Variants in EPB41L5 observed in about 807,000 individuals in gnomAD.
The protein encoded by EPB41L5 is erythrocyte membrane protein band 4.1 like 5, also known as band 4.1-like protein 5.
In EPB41L5, 55 loss-of-function variants were observed where a neutral mutation model predicts 106.6. The observed-to-expected ratio is 0.52, with a 90% CI of 0.42 to 0.65. The LOEUF is 0.65. Ranked by LOEUF, EPB41L5 falls within the 30% of genes least tolerant of loss-of-function variation. The pLI, the probability that EPB41L5 is intolerant of heterozygous loss-of-function variation, is 0.00. For missense variants in EPB41L5, 871 were observed against 882.1 expected (o/e 0.99, Z 0.16); for synonymous variants, 297 against 306.7 (o/e 0.97, Z 0.33).
intron 11 of EPB41L5, among the ~76,000 whole-genome samples, chr2:120,087,802 T>C (rs537233859): frequency 6.8e-6 from 1 of 146,416 alleles, no homozygotes; most frequent in African/African-American, 2.6e-5. Flanking sequence ...TTTATCTCTT[T>C]ATTAACTGAT....
At chr2:120,071,509 C>T (rs931536760) in intron 3 of EPB41L5, among the ~76,000 whole-genome samples, 5 of 152,262 alleles carry the variant, frequency 3.3e-5, no homozygotes, top group Middle Eastern at 6.8e-3. Context: ...GGAGGCATCA[C>T]GCTACCTGAC....
At chr2:120,015,909 A>T (rs1407610966) in intron 1 of EPB41L5, among the ~76,000 whole-genome samples, 1 of 75,138 alleles carries the variant, frequency 1.3e-5, no homozygotes, top group African/African-American at 4.2e-5. Context: ...ACTGTCTCTA[A>T]AAAAAAAAAA....
chr2:120,130,069 C>G (rs954110525), intron 17 of EPB41L5, among the ~76,000 whole-genome samples: 1 of 151,078 alleles, frequency 6.6e-6, no homozygotes, highest in Non-Finnish European at 1.5e-5. Context: ...TCAGTTGAAC[C>G]CGAGAGGCAG....
At chr2:120,085,655 T>G (rs921264836) in intron 10 of EPB41L5, among the ~76,000 whole-genome samples, 6 of 152,152 alleles carry the variant, frequency 3.9e-5, no homozygotes, top group African/African-American at 1.4e-4. Flanking sequence ...TAGTTTTGCA[T>G]CTGGGTGTTC....
At chr2:120,094,813 G>T (rs1683636357) in intron 14 of EPB41L5, among the ~76,000 whole-genome samples, 1 of 152,052 alleles carries the variant, frequency 6.6e-6, no homozygotes, top group Non-Finnish European at 1.5e-5. Context: ...TGACTTGTTT[G>T]ATTACTTAGG....
chr2:120,051,510 A>G (rs1239237023), intron 3 of EPB41L5, among the ~76,000 whole-genome samples: 1 of 152,196 alleles, frequency 6.6e-6, no homozygotes, highest in Non-Finnish European at 1.5e-5. Flanking sequence ...GGAAAAGCTC[A>G]GTATTAGGTT....
chr2:120,144,708 A>G (rs1402640161), intron 19 of EPB41L5, among the ~76,000 whole-genome samples: 4 of 152,154 alleles, frequency 2.6e-5, no homozygotes, highest in Non-Finnish European at 5.9e-5. Context: ...CAGTACCAAA[A>G]CCAGAAAAAA....
intron 2 of EPB41L5, among the ~76,000 whole-genome samples, chr2:120,036,297 T>C (rs965040443): frequency 6.6e-6 from 1 of 152,180 alleles, no homozygotes; most frequent in Non-Finnish European, 1.5e-5. Context: ...GAATGAATTA[T>C]TAACCTGAGG....
chr2:120,060,781 T>C (rs1011854027), intron 3 of EPB41L5, among the ~76,000 whole-genome samples: 3 of 152,198 alleles, frequency 2.0e-5, no homozygotes, highest in Admixed American at 6.5e-5. Context: ...GATTCTAATA[T>C]TGTACTGTAG....
rs765836565 is a variant in EPB41L5, at chr2:120,093,250, A to G, written c.1152A>G (p.Ala384=). ...RYSRRTLQMK[A]CATKPEELSV... is the part of the protein sequence containing the mutation. Reference sequence around the variant, plus strand: ...GTGTTATCTTTTTTCTTCTGTTAGCATGTGCTACAAAACCTGAAGAACTTA... The same window carrying G: ...GTGTTATCTTTTTTCTTCTGTTAGCGTGTGCTACAAAACCTGAAGAACTTA... Residue 384 remains alanine (A), a splice_region_variant and synonymous_variant, in exon 14 of 25, where the codon GCA becomes GCG. Transcript: ENST00000263713. 66 of 1,613,274 alleles carry G rather than the reference A, an allele frequency of 4.1e-5. No individual in the cohort carries two copies. The highest frequency in any genetic ancestry group is 5.6e-5 in the Non-Finnish European group (66 of 1,179,362).
chr2:120,065,368 G>A (rs1162034606), intron 3 of EPB41L5, among the ~76,000 whole-genome samples: 1 of 151,974 alleles, frequency 6.6e-6, no homozygotes, highest in African/African-American at 2.4e-5. Context: ...CGATGCCCCT[G>A]CCTTAGCCTC....
At chr2:120,089,617 C>T (rs1574640715) in intron 11 of EPB41L5, among the ~76,000 whole-genome samples, 1 of 151,862 alleles carries the variant, frequency 6.6e-6, no homozygotes, top group South Asian at 2.1e-4. Context: ...TTTACTTGAC[C>T]ATTTCTCTTT....
chr2:120,118,884 T>A (rs1481598403), intron 16 of EPB41L5, among the ~76,000 whole-genome samples: 1 of 152,242 alleles, frequency 6.6e-6, no homozygotes, highest in Non-Finnish European at 1.5e-5. Context: ...ATGGTATTTC[T>A]GCCTCTAGGT....
intron 2 of EPB41L5, among the ~76,000 whole-genome samples, chr2:120,027,064 G>C (rs1376369867): frequency 6.6e-6 from 1 of 152,160 alleles, no homozygotes; most frequent in Non-Finnish European, 1.5e-5. Flanking sequence ...ATTAAGTGTT[G>C]GTAAGGATAT....
At chr2:120,053,481 C>CTAA (rs1460892842) in intron 3 of EPB41L5, among the ~76,000 whole-genome samples, 1 of 152,186 alleles carries the variant, frequency 6.6e-6, no homozygotes, top group East Asian at 1.9e-4. Flanking sequence ...AACCCTCTTA[C>CTAA]ACGTTACCAG....
intron 2 of EPB41L5, among the ~76,000 whole-genome samples, chr2:120,041,176 A>G (rs1239596901): frequency 3.9e-5 from 6 of 152,210 alleles, no homozygotes; most frequent in African/African-American, 1.4e-4. Flanking sequence ...CTAAAACAAC[A>G]AAGAGCTTAG....
intron 1 of EPB41L5, among the ~76,000 whole-genome samples, chr2:120,015,667 G>C (rs1458478141): frequency 6.6e-6 from 1 of 151,458 alleles, no homozygotes; most frequent in Non-Finnish European, 1.5e-5. Context: ...GGCTGGGCTT[G>C]GTGCCTCATG....
At chr2:120,062,730 G>A (rs1681169202) in intron 3 of EPB41L5, among the ~76,000 whole-genome samples, 1 of 152,068 alleles carries the variant, frequency 6.6e-6, no homozygotes, top group Admixed American at 6.6e-5. Context: ...AATAATTATG[G>A]GGTTTGAGGC....
chr2:120,121,447 A>C (rs1468005417), intron 16 of EPB41L5, among the ~76,000 whole-genome samples: 1 of 152,006 alleles, frequency 6.6e-6, no homozygotes, highest in Non-Finnish European at 1.5e-5. Flanking sequence ...AAGAACATGC[A>C]GTGTTTGGTT....
Sources: gnomAD v4.1 joint callset for allele counts (sites outside exome capture counted in the v4.1 genomes callset) on GRCh38, gnomAD v4.1.1 for gene constraint, MANE v1.5 for transcripts, NCBI Gene and HGNC (gene_info 2026-07-23, HGNC 2026-07-21) for gene names.